CACNA2D3: variants seen among roughly 807,000 people sequenced by gnomAD.
CACNA2D3 encodes the protein calcium voltage-gated channel auxiliary subunit alpha2delta 3.
In CACNA2D3, 60 loss-of-function variants were observed where a neutral mutation model predicts 160.6. The ratio of observed to expected loss-of-function variants is 0.37; its 90% CI spans 0.30 to 0.46. The LOEUF is 0.46. CACNA2D3 is among the 20% of genes least tolerant of loss of function. CACNA2D3 has a pLI of 1.00. For synonymous variants in CACNA2D3, 558 were observed against 492.9 expected, an observed-to-expected ratio of 1.13 and a Z score of -1.75; for missense variants, 1,205 against 1,365.0, an observed-to-expected ratio of 0.88 and a Z score of 1.85.
intron 35 of CACNA2D3, among the ~76,000 whole-genome samples, chr3:55,044,163 T>C (rs779571280): frequency 4.6e-5 from 7 of 152,328 alleles, no homozygotes; most frequent in East Asian, 1.9e-4. Flanking sequence ...GGGATTTTGT[T>C]TGAAACTGGG....
chr3:54,583,913 AAAAG>A (rs1274615201), intron 9 of CACNA2D3, among the ~76,000 whole-genome samples: 4 of 152,228 alleles, frequency 2.6e-5, no homozygotes, highest in East Asian at 1.9e-4. Flanking sequence ...TAAAAAAAAA[AAAAG>A]AAAGTCCCAG....
chr3:54,896,115 A>T (rs1175408681), intron 25 of CACNA2D3, among the ~76,000 whole-genome samples: 1 of 152,168 alleles, frequency 6.6e-6, no homozygotes, highest in Non-Finnish European at 1.5e-5. Context: ...AAAGGAAGAG[A>T]TAGAAAGAAG....
intron 13 of CACNA2D3, among the ~76,000 whole-genome samples, chr3:54,800,986 C>CTT (rs541320556): frequency 7.1e-5 from 10 of 140,746 alleles, no homozygotes; most frequent in Non-Finnish European, 9.3e-5. Flanking sequence ...ACTGGAATAT[C>CTT]TTTTTTTTTT....
intron 13 of CACNA2D3, among the ~76,000 whole-genome samples, chr3:54,807,839 A>G (rs1485365835): frequency 1.3e-5 from 2 of 150,932 alleles, no homozygotes; most frequent in Non-Finnish European, 3.0e-5. Flanking sequence ...GATTAAGAAA[A>G]TGTGGCACAT....
chr3:54,805,837 C>G (rs1190678261), intron 13 of CACNA2D3, among the ~76,000 whole-genome samples: 1 of 152,122 alleles, frequency 6.6e-6, no homozygotes, highest in African/African-American at 2.4e-5. Flanking sequence ...AGCAGCACAT[C>G]AAAAAGCTTA....
chr3:54,187,099 C>T (rs539019433), intron 2 of CACNA2D3, among the ~76,000 whole-genome samples: 11 of 152,244 alleles, frequency 7.2e-5, no homozygotes, highest in South Asian at 4.1e-4. Flanking sequence ...TGCTGTAGGA[C>T]GCGGTGACTT....
In CACNA2D3 at chr3:54,753,069, C is replaced by T. The variant is rs149387424; in HGVS notation, c.1246+392C>T. On this transcript the variant is annotated intron_variant, in intron 12 of 37. Transcript: ENST00000474759. ...AGAGACGGGGTTTCGCCATGTTGGCCAGGCTGGTCTAGAACTCCTGAGCTC... is the reference window on the plus strand; with the variant it reads ...AGAGACGGGGTTTCGCCATGTTGGCTAGGCTGGTCTAGAACTCCTGAGCTC... Among the ~76,000 whole-genome samples the T allele has an allele frequency of 1.2e-3, 183 of 152,178 alleles. 4 individuals carry two copies. The East Asian group carries it at 0.031, about 26-fold the overall frequency.
intron 2 of CACNA2D3, among the ~76,000 whole-genome samples, chr3:54,312,199 G>A (rs1051497307): frequency 6.6e-6 from 1 of 152,124 alleles, no homozygotes; most frequent in African/African-American, 2.4e-5. Context: ...TTGGGGATGG[G>A]CAGGTCCTTG....
chr3:54,976,365 A>T (rs1702391346), intron 29 of CACNA2D3, among the ~76,000 whole-genome samples: 1 of 151,090 alleles, frequency 6.6e-6, no homozygotes. Flanking sequence ...TAGCATTGGG[A>T]GATATACCTA....
At chr3:54,350,986 G>GTTTTTATTTTTTTTTTTTTTT (rs1698548897) in intron 3 of CACNA2D3, among the ~76,000 whole-genome samples, 1 of 65,922 alleles carries the variant, frequency 1.5e-5, no homozygotes, top group Non-Finnish European at 3.0e-5. Flanking sequence ...TTTTTTGTTT[G>GTTTTTATTTTTTTTTTTTTTT]TTTTTTTTTT....
intron 13 of CACNA2D3, among the ~76,000 whole-genome samples, chr3:54,815,678 G>T (rs1703433246): frequency 6.6e-6 from 1 of 152,174 alleles, no homozygotes; most frequent in Non-Finnish European, 1.5e-5. Flanking sequence ...ACAGTCCTAT[G>T]ATTGTTTATC....
intron 11 of CACNA2D3, among the ~76,000 whole-genome samples, chr3:54,653,569 C>A (rs972721793): frequency 6.6e-6 from 1 of 152,192 alleles, no homozygotes; most frequent in African/African-American, 2.4e-5. Flanking sequence ...CAGGCCCTCC[C>A]TGCAGCTGAA....
rs149708168 is a variant in CACNA2D3, at chr3:54,904,227, G to A, written c.2449+4359G>A. Among the ~76,000 whole-genome samples, 13 of 152,274 alleles carry A rather than the reference G, an allele frequency of 8.5e-5. No homozygotes were observed. The East Asian group carries it at 2.3e-3, about 27-fold the overall frequency. ...TTGAGTTTTATAAATTACGCTGATCGTGGTGGTGATTCTTTACTTTGTTCT... is the reference window on the plus strand; with the variant it reads ...TTGAGTTTTATAAATTACGCTGATCATGGTGGTGATTCTTTACTTTGTTCT... On this transcript the variant is annotated intron_variant, in intron 27 of 37. Transcript: ENST00000474759.
chr3:54,998,757 T>C (rs1429515616), intron 31 of CACNA2D3, among the ~76,000 whole-genome samples: 1 of 145,762 alleles, frequency 6.9e-6, no homozygotes, highest in East Asian at 2.3e-4. Flanking sequence ...TGTTTTGTTT[T>C]GTTTTTTGAG....
chr3:54,838,744 GTT>G, intron 16 of CACNA2D3, 96 bp downstream of exon 16: 1 of 907,566 alleles, frequency 1.1e-6, no homozygotes, highest in African/African-American at 1.6e-5. Context: ...TTGGAGCGAT[GTT>G]TTTGCTCACC....
chr3:54,961,114 T>C (rs920604297), intron 27 of CACNA2D3, among the ~76,000 whole-genome samples: 1 of 152,240 alleles, frequency 6.6e-6, no homozygotes, highest in African/African-American at 2.4e-5. Flanking sequence ...GTAATGGCTA[T>C]TACAGTTGAC....
In CACNA2D3 at chr3:54,555,031, C is replaced by T. The variant is rs547728500; in HGVS notation, c.545-7769C>T. On this transcript the variant is annotated intron_variant, in intron 5 of 37. Coordinates refer to ENST00000474759, the MANE Select transcript of CACNA2D3 (RefSeq NM_018398.3). Reference sequence around the variant, plus strand: ...CTGGGATTACAGGAGCACACCACCCCGCCTATCTACTGTTTTGTATTTTCT... The same window carrying T: ...CTGGGATTACAGGAGCACACCACCCTGCCTATCTACTGTTTTGTATTTTCT... Among the ~76,000 whole-genome samples, 67 of 151,960 alleles carry T rather than the reference C, an allele frequency of 4.4e-4. 1 individual carries two copies. In the East Asian group the frequency reaches 6.0e-3, roughly 14 times the overall value.
rs566129014 is a variant in CACNA2D3 at position 54,837,020 on chromosome 3, G to A, written c.1399-139G>A. On this transcript the variant is annotated intron_variant, in intron 14 of 37. Transcript: ENST00000474759. ...ATCCAGGACACACATTGTGCTCCGC[G>A]CTCCACTAAAGGCTTGAGTGGGCAC... 4.2e-4 allele frequency: 298 copies of A among 705,848 alleles called. 1 individual carries two copies. Among genetic ancestry groups the A allele is most frequent in the Admixed American group, 1.0e-3 (48 of 47,648 alleles). 43.7% of individuals were successfully genotyped at this position (705,848 alleles called of 1,614,324 possible).
chr3:54,636,425 C>T (rs1330845649), intron 10 of CACNA2D3, among the ~76,000 whole-genome samples: 2 of 151,882 alleles, frequency 1.3e-5, no homozygotes, highest in African/African-American at 2.4e-5. Context: ...AGAGTGAGTA[C>T]AGCTGAAGGA....
Sources: allele counts gnomAD v4.1 joint callset (sites outside exome capture counted in the v4.1 genomes callset), GRCh38; gene constraint gnomAD v4.1.1; transcripts MANE v1.5; gene names NCBI Gene and HGNC (gene_info 2026-07-23, HGNC 2026-07-21).